Variants in PAK5 observed in about 807,000 individuals in gnomAD.
The protein encoded by PAK5 is p21 (RAC1) activated kinase 5.
Under a neutral mutation model 65.9 loss-of-function variants are expected in PAK5, and 16 were observed. That is an observed-to-expected ratio of 0.24 (90% CI 0.16 to 0.37). The LOEUF (loss-of-function observed/expected upper bound fraction) is 0.37, where lower values mean the gene tolerates loss of function less well. PAK5 is among the 10% of genes least tolerant of loss of function. The probability of loss-of-function intolerance (pLI) is 1.00; values close to 1 mark genes in which losing one functional copy is unlikely to be tolerated. For missense variants in PAK5, 785 were observed against 903.9 expected (o/e 0.87, Z 1.69); for synonymous variants, 371 against 354.9 (o/e 1.05, Z -0.51).
chr20:9,558,349 A>G (rs1208738659), intron 6 of PAK5, among the ~76,000 whole-genome samples: 3 of 151,998 alleles, frequency 2.0e-5, no homozygotes, highest in African/African-American at 7.3e-5. Context: ...TCCTGACCTC[A>G]GGTGATCCAC....
At chr20:9,725,496 A>G (rs2048265986) in intron 1 of PAK5, among the ~76,000 whole-genome samples, 1 of 152,202 alleles carries the variant, frequency 6.6e-6, no homozygotes, top group Non-Finnish European at 1.5e-5. Context: ...AATAAAAATT[A>G]TTCTTATATC....
chr20:9,639,518 G>GTT (rs1471457306), intron 3 of PAK5, among the ~76,000 whole-genome samples: 3 of 152,094 alleles, frequency 2.0e-5, no homozygotes, highest in Admixed American at 2.0e-4. Flanking sequence ...CTCCTTGTCT[G>GTT]TTTTTATTTT....
intron 8 of PAK5, among the ~76,000 whole-genome samples, chr20:9,543,534 A>G (rs148444188): frequency 0.022 from 3,276 of 152,144 alleles, 42 homozygotes; most frequent in Middle Eastern, 0.037. Context: ...GGACTCATCC[A>G]AGGTCAAGCA....
intron 2 of PAK5, among the ~76,000 whole-genome samples, chr20:9,707,505 A>G (rs2048023885): frequency 6.6e-6 from 1 of 152,160 alleles, no homozygotes; most frequent in Admixed American, 6.5e-5. Flanking sequence ...ATTGTTTGCA[A>G]TCTAGTTCTT....
At chr20:9,681,593 A>G (rs2047650718) in intron 2 of PAK5, among the ~76,000 whole-genome samples, 2 of 152,084 alleles carry the variant, frequency 1.3e-5, no homozygotes, top group Non-Finnish European at 2.9e-5. Context: ...ATAAATCTTT[A>G]TCTCTTTATA....
chr20:9,543,482 G>A (rs977266975), intron 8 of PAK5, among the ~76,000 whole-genome samples: 6 of 151,978 alleles, frequency 3.9e-5, no homozygotes, highest in African/African-American at 7.3e-5. Context: ...GACCTTCACC[G>A]AGAATTTCTC....
intron 1 of PAK5, among the ~76,000 whole-genome samples, chr20:9,742,833 A>C (rs2048464649): frequency 6.6e-6 from 1 of 152,224 alleles, no homozygotes; most frequent in African/African-American, 2.4e-5. Context: ...TGGATCTGTC[A>C]CTTGTTCTTT....
At chr20:9,542,556 T>C (rs748389597) in intron 9 of PAK5, 30 bp downstream of exon 9, 1 of 1,613,316 alleles carries the variant, frequency 6.2e-7, no homozygotes, top group Non-Finnish European at 8.5e-7. Flanking sequence ...AAAACTATTC[T>C]GAACTTTAGC....
At chr20:9,615,821 G>A (rs1349920299) in intron 3 of PAK5, among the ~76,000 whole-genome samples, 3 of 152,174 alleles carry the variant, frequency 2.0e-5, no homozygotes, top group Admixed American at 1.3e-4. Context: ...GCTCACTCCC[G>A]TGGCCTGGCA....
intron 7 of PAK5, among the ~76,000 whole-genome samples, chr20:9,548,941 A>G (rs2045385691): frequency 6.6e-6 from 1 of 152,202 alleles, no homozygotes; most frequent in African/African-American, 2.4e-5. Flanking sequence ...TCCCAAAGAA[A>G]TGCTAGAGAA....
At chr20:9,790,749 T>G (rs2049041814) in intron 1 of PAK5, among the ~76,000 whole-genome samples, 1 of 152,126 alleles carries the variant, frequency 6.6e-6, no homozygotes, top group Non-Finnish European at 1.5e-5. Context: ...TCTTCCCATC[T>G]CGGCCTCCCA....
chr20:9,787,674 G>A (rs1406045254), intron 1 of PAK5, among the ~76,000 whole-genome samples: 1 of 151,092 alleles, frequency 6.6e-6, no homozygotes, highest in Non-Finnish European at 1.5e-5. Flanking sequence ...TACATTTACA[G>A]TGGTGTGCTG....
intron 1 of PAK5, among the ~76,000 whole-genome samples, chr20:9,814,620 C>T (rs190837264): frequency 2.0e-5 from 3 of 151,966 alleles, no homozygotes; most frequent in East Asian, 1.9e-4. Flanking sequence ...ATATCATATG[C>T]CACTCTTTCA....
At chr20:9,774,631 A>T (rs1360653793) in intron 1 of PAK5, among the ~76,000 whole-genome samples, 2 of 152,130 alleles carry the variant, frequency 1.3e-5, no homozygotes, top group Admixed American at 1.3e-4. Context: ...GAATAAACAA[A>T]CTCTGATATA....
chr20:9,701,059 C>G (rs1370460265), intron 2 of PAK5, among the ~76,000 whole-genome samples: 1 of 152,130 alleles, frequency 6.6e-6, no homozygotes, highest in Non-Finnish European at 1.5e-5. Context: ...ACGTTTCCCT[C>G]TTTAAAAAGT....
chr20:9,834,728 G>T (rs1204294312), intron 1 of PAK5, among the ~76,000 whole-genome samples: 15 of 152,062 alleles, frequency 9.9e-5, no homozygotes, highest in Admixed American at 8.5e-4. Context: ...GATGATTATG[G>T]ACAGGAATTG....
At chr20:9,722,758 T>A (rs543224567) in intron 1 of PAK5, among the ~76,000 whole-genome samples, 1 of 151,760 alleles carries the variant, frequency 6.6e-6, no homozygotes, top group Non-Finnish European at 1.5e-5. Flanking sequence ...TTTTTTTTTT[T>A]AGAAGGCTTG....
At chr20:9,672,780 A>G (rs2047517971) in intron 2 of PAK5, among the ~76,000 whole-genome samples, 1 of 152,206 alleles carries the variant, frequency 6.6e-6, no homozygotes, top group Admixed American at 6.6e-5. Context: ...TTACAATAAT[A>G]TATTTCCTTT....
intron 1 of PAK5, among the ~76,000 whole-genome samples, chr20:9,782,310 C>T (rs1226988379): frequency 2.6e-5 from 4 of 152,126 alleles, no homozygotes; most frequent in Non-Finnish European, 5.9e-5. Flanking sequence ...GCAAACCCCT[C>T]CCACCACTAT....
Sources: allele counts gnomAD v4.1 joint callset (sites outside exome capture counted in the v4.1 genomes callset), GRCh38; gene constraint gnomAD v4.1.1; transcripts MANE v1.5; gene names NCBI Gene and HGNC (gene_info 2026-07-23, HGNC 2026-07-21).